Variants in MAN1A2 observed in about 807,000 individuals in gnomAD.
MAN1A2 encodes the protein mannosyl-oligosaccharide 1,2-alpha-mannosidase IB.
A neutral mutation model predicts 75.7 loss-of-function variants in MAN1A2; 26 were observed. The observed-to-expected ratio is 0.34, with a 90% CI of 0.25 to 0.48. MAN1A2 has a LOEUF of 0.48. Among genes scored for constraint, MAN1A2 ranks in the 20% least tolerant of loss-of-function variants. MAN1A2 has a pLI of 0.99. For synonymous variants in MAN1A2, 247 were observed against 264.6 expected (o/e 0.93, Z 0.65); for missense variants, 562 against 775.5 (o/e 0.72, Z 3.27).
At chr1:117,419,232 T>C (rs888022438) in intron 4 of MAN1A2, among the ~76,000 whole-genome samples, 8 of 152,072 alleles carry the variant, frequency 5.3e-5, no homozygotes, top group African/African-American at 1.7e-4. Context: ...TCTAAACTGA[T>C]GTAAGATTTA....
chr1:117,417,557 A>ATGTG (rs1553232797), intron 4 of MAN1A2, among the ~76,000 whole-genome samples: 1 of 140,726 alleles, frequency 7.1e-6, no homozygotes, highest in Admixed American at 7.2e-5. Context: ...ATATATATAT[A>ATGTG]TGTGATATAT....
intron 6 of MAN1A2, among the ~76,000 whole-genome samples, chr1:117,443,175 T>A (rs1429093638): frequency 1.3e-5 from 2 of 152,212 alleles, no homozygotes; most frequent in Non-Finnish European, 2.9e-5. Flanking sequence ...TTTCTGGAGA[T>A]GTGAATCTAT....
intron 9 of MAN1A2, 76 bp from the exon 10 acceptor site, chr1:117,496,687 A>G: frequency 9.6e-7 from 1 of 1,042,904 alleles, no homozygotes; most frequent in South Asian, 1.4e-5. Flanking sequence ...AGGTTTTATA[A>G]TGGCCAGAAG....
chr1:117,383,753 T>TAAA (rs1445259418), intron 1 of MAN1A2, among the ~76,000 whole-genome samples: 11 of 152,018 alleles, frequency 7.2e-5, no homozygotes, highest in African/African-American at 2.7e-4. Flanking sequence ...TTAAAAATTT[T>TAAA]TTTTTTTTTT....
At chr1:117,455,301 A>T (rs1649544853) in intron 6 of MAN1A2, among the ~76,000 whole-genome samples, 1 of 152,132 alleles carries the variant, frequency 6.6e-6, no homozygotes, top group Non-Finnish European at 1.5e-5. Flanking sequence ...ATGCAAGACT[A>T]ATCAGTAGTG....
intron 3 of MAN1A2, among the ~76,000 whole-genome samples, chr1:117,411,786 A>AC (rs932512253): frequency 6.6e-6 from 1 of 151,782 alleles, no homozygotes; most frequent in African/African-American, 2.4e-5. Flanking sequence ...ATTTCTACAC[A>AC]CCCATTAACA....
intron 2 of MAN1A2, 136 bp from the exon 3 acceptor site, chr1:117,405,413 A>G (rs1266784172): frequency 3.1e-6 from 2 of 640,548 alleles, no homozygotes; most frequent in East Asian, 2.8e-5. Flanking sequence ...ACTGATACAA[A>G]TGCTAATTGA....
intron 6 of MAN1A2, among the ~76,000 whole-genome samples, chr1:117,458,273 C>G (rs1041483775): frequency 6.6e-6 from 1 of 151,572 alleles, no homozygotes; most frequent in Non-Finnish European, 1.5e-5. Context: ...GTTACTATAT[C>G]CATATTTATT....
intron 12 of MAN1A2, among the ~76,000 whole-genome samples, chr1:117,507,765 T>G (rs1184051310): frequency 6.6e-6 from 1 of 151,692 alleles, no homozygotes; most frequent in Non-Finnish European, 1.5e-5. Flanking sequence ...GACACTTGGT[T>G]GGAGTCTTGA....
chr1:117,407,874 G>C (rs1433751543), intron 3 of MAN1A2, among the ~76,000 whole-genome samples: 3 of 152,152 alleles, frequency 2.0e-5, no homozygotes, highest in African/African-American at 7.2e-5. Flanking sequence ...TACTACCACA[G>C]CTGTGGGAAA....
intron 8 of MAN1A2, 143 bp downstream of exon 8, chr1:117,466,570 T>A (rs1322533598): frequency 1.9e-6 from 1 of 516,400 alleles, no homozygotes; most frequent in Non-Finnish European, 3.4e-6. Context: ...TTCTTAGGCA[T>A]GTTTCTGATC....
chr1:117,434,587 C>G (rs1431055763), intron 5 of MAN1A2, among the ~76,000 whole-genome samples: 1 of 152,062 alleles, frequency 6.6e-6, no homozygotes, highest in Non-Finnish European at 1.5e-5. Flanking sequence ...TGAAAAAGAC[C>G]TGAATATTCA....
chr1:117,405,495 A>G (rs1647585781), intron 2 of MAN1A2, 54 bp from the exon 3 acceptor site: 1 of 1,119,362 alleles, frequency 8.9e-7, no homozygotes, highest in Admixed American at 1.7e-5. Flanking sequence ...TATGAAATAA[A>G]AAAACAGTTT....
rs949814184 is a variant in MAN1A2 at position 117,526,630 on chromosome 1, A to C, written c.*3673A>C. ...AGAAATGCTGGTTATTTTATATTCA[A>C]AAAGATTTTGTCACATAATTCATGG... On this transcript the variant is annotated 3_prime_UTR_variant, in exon 13 of 13. Transcript: ENST00000356554. The C allele has an allele frequency of 6.6e-6, 1 of 151,292 alleles. No homozygotes were observed. The highest frequency in any genetic ancestry group is 1.5e-5 in the Non-Finnish European group (1 of 67,624). The allele number at this position is 151,292 out of a possible 1,614,324, so 9.4% of individuals were successfully genotyped here.
rs532566291 is a variant in MAN1A2, at chr1:117,394,740, A to G, written c.303-7446A>G. Among the ~76,000 whole-genome samples the G allele has an allele frequency of 1.6e-4, 25 of 152,314 alleles. 1 individual carries two copies. In the South Asian group the frequency reaches 4.8e-3, roughly 29 times the overall value. ...GCTTCAAAGGAAGGATCAATTTTTAACAGTGGTGGATAGAAGAGTGATGTA... is the reference window on the plus strand; with the variant it reads ...GCTTCAAAGGAAGGATCAATTTTTAGCAGTGGTGGATAGAAGAGTGATGTA... On this transcript the variant is annotated intron_variant, in intron 1 of 12. Transcript: ENST00000356554.
intron 7 of MAN1A2, among the ~76,000 whole-genome samples, chr1:117,461,614 A>AT (rs1287257669): frequency 2.0e-5 from 3 of 152,186 alleles, no homozygotes; most frequent in Admixed American, 1.3e-4. Flanking sequence ...AGTTACTCAA[A>AT]TTTTATCATT....
At chr1:117,439,802 C>T (rs911734799) in intron 5 of MAN1A2, among the ~76,000 whole-genome samples, 2 of 152,024 alleles carry the variant, frequency 1.3e-5, no homozygotes, top group African/African-American at 4.8e-5. Context: ...GCCTAACTTT[C>T]GTTACTTATA....
At chr1:117,494,681 A>T (rs1176777851) in intron 9 of MAN1A2, 1 of 152,080 alleles carries the variant, frequency 6.6e-6, no homozygotes, top group African/African-American at 2.4e-5. Flanking sequence ...TACAACCAAG[A>T]ATATAAATTT....
At chr1:117,517,298 G>T (rs1422155033) in intron 12 of MAN1A2, among the ~76,000 whole-genome samples, 2 of 152,162 alleles carry the variant, frequency 1.3e-5, no homozygotes, top group East Asian at 1.9e-4. Flanking sequence ...TACCATGCAT[G>T]CCAAGAGGCA....
Sources: allele counts gnomAD v4.1 joint callset (sites outside exome capture counted in the v4.1 genomes callset), GRCh38; gene constraint gnomAD v4.1.1; transcripts MANE v1.5; gene names NCBI Gene and HGNC (gene_info 2026-07-23, HGNC 2026-07-21).